TTC6: variants seen among roughly 807,000 people sequenced by gnomAD.
TTC6 encodes the protein tetratricopeptide repeat protein 6.
TTC6 carries 172 observed loss-of-function variants against 210.4 expected under a neutral mutation model. The ratio of observed to expected loss-of-function variants is 0.82; its 90% CI spans 0.72 to 0.93. The LOEUF is 0.93. Ranked by LOEUF, TTC6 falls within the 40% of genes least tolerant of loss-of-function variation. TTC6 has a pLI of 0.00. For missense variants in TTC6, 2,414 were observed against 2,318.1 expected (o/e 1.04, Z -0.85); for synonymous variants, 804 against 819.6 (o/e 0.98, Z 0.32).
chr14:37,805,295 A>T (rs1275918551), intron 21 of TTC6, among the ~76,000 whole-genome samples: 2 of 152,158 alleles, frequency 1.3e-5, no homozygotes, highest in Non-Finnish European at 2.9e-5. Context: ...TTACATATTT[A>T]TCCAGTCTTT....
At chr14:37,801,894 T>A (rs1438660630) in intron 20 of TTC6, among the ~76,000 whole-genome samples, 1 of 33,686 alleles carries the variant, frequency 3.0e-5, no homozygotes, top group Non-Finnish European at 1.3e-3. Context: ...CATTACTGAG[T>A]ATATATTCCA....
At chr14:37,781,440 G>A (rs1052367575) in intron 14 of TTC6, among the ~76,000 whole-genome samples, 2 of 152,002 alleles carry the variant, frequency 1.3e-5, no homozygotes, top group African/African-American at 4.8e-5. Flanking sequence ...TTTGAAAAGT[G>A]TTCATATCCT....
At chr14:37,784,798 C>T (rs1024351174) in intron 14 of TTC6, among the ~76,000 whole-genome samples, 5 of 152,166 alleles carry the variant, frequency 3.3e-5, no homozygotes, top group African/African-American at 9.7e-5. Context: ...CCTTCAGGAG[C>T]TCCTGTAAGG....
intron 1 of TTC6, among the ~76,000 whole-genome samples, chr14:37,660,990 G>A (rs2095736203): frequency 6.6e-6 from 1 of 152,170 alleles, no homozygotes; most frequent in African/African-American, 2.4e-5. Flanking sequence ...CTTCTTTTAA[G>A]AAATGTCTGT....
intron 23 of TTC6, among the ~76,000 whole-genome samples, chr14:37,808,247 A>G (rs1397649951): frequency 6.6e-6 from 1 of 152,164 alleles, no homozygotes; most frequent in Non-Finnish European, 1.5e-5. Flanking sequence ...TGTTAATTCT[A>G]TGAAAATTAC....
At chr14:37,708,365 T>C (rs2095839134) in intron 5 of TTC6, among the ~76,000 whole-genome samples, 1 of 152,060 alleles carries the variant, frequency 6.6e-6, no homozygotes, top group African/African-American at 2.4e-5. Flanking sequence ...TGCATTGAAG[T>C]ACACTACATT....
chr14:37,600,276 A>G (rs998355163), intron 1 of TTC6, among the ~76,000 whole-genome samples: 3 of 152,126 alleles, frequency 2.0e-5, no homozygotes, highest in Admixed American at 2.0e-4. Flanking sequence ...GGAGGCTGGA[A>G]ACCTGGGCGA....
chr14:37,757,732 GAATT>G (rs2095972293), intron 14 of TTC6, among the ~76,000 whole-genome samples: 1 of 151,886 alleles, frequency 6.6e-6, no homozygotes, highest in Non-Finnish European at 1.5e-5. Context: ...GCTAGCTTTT[GAATT>G]TGTTTGCTCT....
At chr14:37,686,532 T>C (rs1310166605) in intron 3 of TTC6, among the ~76,000 whole-genome samples, 3 of 152,196 alleles carry the variant, frequency 2.0e-5, no homozygotes. Flanking sequence ...GATGATATAT[T>C]AGTCTGTTTT....
exon 29 of TTC6, chr14:37,827,268 A>G (rs577365004): frequency 6.2e-6 from 10 of 1,613,340 alleles, no homozygotes; most frequent in African/African-American, 1.3e-5. Flanking sequence ...ACAGAATGCA[A>G]TGAAAGACTA....
intron 10 of TTC6, among the ~76,000 whole-genome samples, chr14:37,741,646 C>T (rs1443537758): frequency 6.6e-6 from 1 of 152,146 alleles, no homozygotes; most frequent in Non-Finnish European, 1.5e-5. Flanking sequence ...CATTTTATGT[C>T]CAACCATAAA....
chr14:37,683,245 A>C (rs573637067), intron 3 of TTC6, among the ~76,000 whole-genome samples: 1 of 152,296 alleles, frequency 6.6e-6, no homozygotes, highest in East Asian at 1.9e-4. Context: ...TTGGCCAAGA[A>C]TCTTCTAGTT....
chr14:37,796,491 T>A, intron 19 of TTC6, 121 bp downstream of exon 21: 1 of 536,640 alleles, frequency 1.9e-6, no homozygotes, highest in Non-Finnish European at 3.2e-6. Context: ...ATTTTCAAAC[T>A]TTAGTTTTAT....
At chr14:37,732,807 A>G (rs1396574053) in intron 7 of TTC6, among the ~76,000 whole-genome samples, 1 of 150,288 alleles carries the variant, frequency 6.7e-6, no homozygotes, top group East Asian at 2.0e-4. Context: ...TTTAGTAGAG[A>G]CGGGGTTTCA....
chr14:37,765,086 C>G (rs1051989349), intron 14 of TTC6, among the ~76,000 whole-genome samples: 1 of 151,836 alleles, frequency 6.6e-6, no homozygotes, highest in Non-Finnish European at 1.5e-5. Flanking sequence ...TTTCAATAGT[C>G]TATAAAAATT....
chr14:37,736,051 A>G (rs1218669581), intron 8 of TTC6, 41 bp downstream of exon 10: 7 of 1,023,526 alleles, frequency 6.8e-6, no homozygotes, highest in African/African-American at 3.2e-5. Context: ...TGTTTACTCT[A>G]TCTGCCTACA....
exon 4 of TTC6, chr14:37,696,775 G>A (rs984819301): frequency 1.6e-5 from 24 of 1,458,060 alleles, no homozygotes; most frequent in Non-Finnish European, 2.1e-5. Context: ...ATGCGGAAAC[G>A]TAAATCACTG....
exon 30 of TTC6, chr14:37,841,548 C>T (rs1595344848): frequency 1.9e-6 from 3 of 1,604,902 alleles, no homozygotes; most frequent in Non-Finnish European, 2.5e-6. Context: ...TATGAAGAAG[C>T]AAAAGAAGAT....
intron 7 of TTC6, among the ~76,000 whole-genome samples, chr14:37,725,225 TTA>T (rs1463726589): frequency 2.1e-5 from 3 of 145,548 alleles, no homozygotes; most frequent in Non-Finnish European, 4.5e-5. Context: ...ATTTATAATT[TTA>T]TATGTTCATA....
Sources: gnomAD v4.1 joint callset for allele counts (sites outside exome capture counted in the v4.1 genomes callset) on GRCh38, gnomAD v4.1.1 for gene constraint, MANE v1.5 for transcripts, NCBI Gene and HGNC (gene_info 2026-07-23, HGNC 2026-07-21) for gene names.